Variants in PCDHA6 observed in about 807,000 individuals in gnomAD.
PCDHA6 encodes protocadherin alpha-6.
A neutral mutation model predicts 60.3 loss-of-function variants in PCDHA6; 55 were observed. That is an observed-to-expected ratio of 0.91 (90% CI 0.73 to 1.14). The LOEUF (loss-of-function observed/expected upper bound fraction) is 1.14. Among genes scored for constraint, PCDHA6 ranks in the 50% most tolerant of loss-of-function variants. The probability of loss-of-function intolerance (pLI) is 0.00; values close to 1 mark genes in which losing one functional copy is unlikely to be tolerated. For synonymous variants in PCDHA6, 652 were observed against 557.9 expected (o/e 1.17, Z -2.38); for missense variants, 1,327 against 1,256.5 (o/e 1.06, Z -0.85).
At chr5:140,939,051 T>G (rs1359303875) in intron 1 of PCDHA6, among the ~76,000 whole-genome samples, 1 of 152,236 alleles carries the variant, frequency 6.6e-6, no homozygotes, top group East Asian at 1.9e-4. Flanking sequence ...TTAGTCCATT[T>G]GGGCTGCTAT....
rs2041539059 is a variant in PCDHA6, at chr5:140,850,345, G to A, written c.2394+19860G>A. On this transcript the variant is annotated intron_variant, in intron 1 of 3. Transcript: ENST00000529310. ...TACGAGCTGCAGCCAGAAACGGCCA[G>A]CGCGAGCATCCCGTTCCGCGTGGGG... 5.0e-6 allele frequency: 8 copies of A among 1,597,746 alleles called. 1 individual carries two copies. Among genetic ancestry groups the A allele is most frequent in the Non-Finnish European group, 6.9e-6 (8 of 1,167,738 alleles).
intron 1 of PCDHA6, among the ~76,000 whole-genome samples, chr5:140,956,378 G>A (rs1317429422): frequency 5.9e-5 from 9 of 152,072 alleles, no homozygotes; most frequent in African/African-American, 1.7e-4. Context: ...GAATTTTATC[G>A]AAGGCCTTTT....
At chr5:140,902,860 G>C (rs1360454438) in intron 1 of PCDHA6, among the ~76,000 whole-genome samples, 1 of 152,130 alleles carries the variant, frequency 6.6e-6, no homozygotes, top group Non-Finnish European at 1.5e-5. Context: ...ATGGCGTCCA[G>C]GTCCACCCAA....
In PCDHA6 at chr5:140,978,986, C is replaced by T. The variant is rs138901709; in HGVS notation, c.2432C>T (p.Ser811Phe). The change falls in exon 2 of 4, where the codon TCC (serine) becomes TTC (phenylalanine). Residue 811 changes from serine (S) to phenylalanine (F), a missense_variant. Physicochemically the swap from Ser to Phe is radical, Grantham distance 155. Transcript: ENST00000529310. ...AACCCTGACTGGCGTTACTCTGCCT[C>T]CCTGAGAGCAGGCATGCACAGGTAT... Reference protein sequence around the residue: ...QPNPDWRYSASLRAGMHSSVH... With the variant: ...QPNPDWRYSAFLRAGMHSSVH... 56 of 1,614,072 alleles carry T rather than the reference C, an allele frequency of 3.5e-5. No individual in the cohort carries two copies. The highest frequency in any genetic ancestry group is 4.5e-5 in the Non-Finnish European group (53 of 1,180,028).
In PCDHA6 at chr5:140,879,837, T is replaced by C. The variant is rs150709679; in HGVS notation, c.2394+49352T>C. ...GTTGGTGTTCCCTGGCTTGTGGCTGTACCACTCCCATCTCAGCCTTCTCAG... is the reference window on the plus strand; with the variant it reads ...GTTGGTGTTCCCTGGCTTGTGGCTGCACCACTCCCATCTCAGCCTTCTCAG... On this transcript the variant is annotated intron_variant, in intron 1 of 3. Coordinates refer to ENST00000529310, the MANE Select transcript of PCDHA6 (RefSeq NM_018909.4). Among the ~76,000 whole-genome samples, 861 of 152,350 alleles carry C rather than the reference T, an allele frequency of 5.7e-3. 5 individuals are homozygous for C. The highest frequency in any genetic ancestry group is 0.014 in the Middle Eastern group (4 of 294).
chr5:140,876,283 G>T, intron 1 of PCDHA6: 1 of 1,614,056 alleles, frequency 6.2e-7, no homozygotes, highest in Non-Finnish European at 8.5e-7. Context: ...CGATCCAGAC[G>T]AAGGACTTAA....
chr5:140,897,161 G>C (rs1554187213), intron 1 of PCDHA6, among the ~76,000 whole-genome samples: 1 of 151,938 alleles, frequency 6.6e-6, no homozygotes, highest in African/African-American at 2.4e-5. Flanking sequence ...TTCTTCTACT[G>C]TCTATCTCCA....
At chr5:140,830,593 A>C in intron 1 of PCDHA6, 108 bp downstream of exon 1, 1 of 705,892 alleles carries the variant, frequency 1.4e-6, no homozygotes, top group Non-Finnish European at 2.1e-6. Flanking sequence ...TAATTTTACA[A>C]AATTACATAT....
intron 1 of PCDHA6, among the ~76,000 whole-genome samples, chr5:140,903,708 T>C (rs1460220411): frequency 1.3e-5 from 2 of 152,212 alleles, no homozygotes; most frequent in Non-Finnish European, 2.9e-5. Context: ...AGTAATAAAA[T>C]ATACAATTCT....
At position 140,982,579 on chromosome 5, in the gene PCDHA6, C is replaced by G. The variant is rs781915481; in HGVS notation, c.2542+16C>G. 7 of 1,612,084 alleles carry G rather than the reference C, an allele frequency of 4.3e-6. No individual in the cohort carries two copies. In the Admixed American group the frequency reaches 1.2e-4, roughly 27 times the overall value. On this transcript the variant is annotated intron_variant, in intron 3 of 3. Coordinates refer to ENST00000529310, the MANE Select transcript of PCDHA6 (RefSeq NM_018909.4). ...GCAACACCAGGTAAAGAGCTGGGGT[C>G]TCTCCATTCTTTCTTGGTTTCTGGA...
chr5:140,996,705 CTT>C (rs1222604793), intron 3 of PCDHA6, among the ~76,000 whole-genome samples: 3 of 152,108 alleles, frequency 2.0e-5, no homozygotes, highest in African/African-American at 7.2e-5. Flanking sequence ...ACCTCTATCT[CTT>C]TGATTTAATT....
chr5:140,932,063 T>C (rs1020375496), intron 1 of PCDHA6, among the ~76,000 whole-genome samples: 8 of 151,942 alleles, frequency 5.3e-5, no homozygotes, highest in African/African-American at 1.4e-4. Context: ...CTAAAAATTA[T>C]CAGTTTAAGA....
intron 1 of PCDHA6, chr5:140,851,484 A>G: frequency 2.2e-6 from 2 of 889,574 alleles, no homozygotes; most frequent in Non-Finnish European, 2.7e-6. Context: ...TTATAAACAC[A>G]GCCTTCATTT....
chr5:140,901,970 G>A (rs1178784932), intron 1 of PCDHA6, among the ~76,000 whole-genome samples: 1 of 151,954 alleles, frequency 6.6e-6, no homozygotes, highest in Non-Finnish European at 1.5e-5. Context: ...TCGTAAATGG[G>A]ATTACTTTTT....
intron 1 of PCDHA6, among the ~76,000 whole-genome samples, chr5:140,960,384 A>G (rs1204813293): frequency 6.6e-6 from 1 of 152,198 alleles, no homozygotes. Flanking sequence ...GTGCCAAGAC[A>G]TTAGGATGCA....
chr5:141,010,276 TTGA>T lies in PCDHA6; in HGVS notation c.*343_*345del, dbSNP rs1554262867. On this transcript the variant is annotated 3_prime_UTR_variant, in exon 4 of 4. Transcript: ENST00000529310. ...TGCCCTGTGCTCCGGGGATCCTGTC[TTGA>T]TGACACTTGCAGGGCAGGCTGAAAA... is the stretch of plus-strand genomic sequence containing the variant. The T allele has an allele frequency of 4.5e-6, 7 of 1,551,580 alleles. No individual in the cohort carries two copies. The highest frequency in any genetic ancestry group is 6.1e-6 in the Non-Finnish European group (7 of 1,146,976).
At chr5:140,860,385 A>T (rs2046366779) in intron 1 of PCDHA6, 1 of 152,142 alleles carries the variant, frequency 6.6e-6, no homozygotes, top group African/African-American at 2.4e-5. Flanking sequence ...TATTTCAAAA[A>T]TTGAAAAAAG....
chr5:140,931,209 A>C (rs1554208285), intron 1 of PCDHA6, among the ~76,000 whole-genome samples: 1 of 152,184 alleles, frequency 6.6e-6, no homozygotes, highest in African/African-American at 2.4e-5. Context: ...CTAGTATTTC[A>C]GGTATCAGAG....
At chr5:140,946,165 G>A (rs1554217364) in intron 1 of PCDHA6, among the ~76,000 whole-genome samples, 5 of 151,838 alleles carry the variant, frequency 3.3e-5, no homozygotes, top group African/African-American at 1.2e-4. Flanking sequence ...TTAAAAGATG[G>A]GTAAAGGATG....
Sources: gnomAD v4.1 joint callset for allele counts (sites outside exome capture counted in the v4.1 genomes callset) on GRCh38, gnomAD v4.1.1 for gene constraint, MANE v1.5 for transcripts, NCBI Gene and HGNC (gene_info 2026-07-23, HGNC 2026-07-21) for gene names.